ABCC12: variants seen among roughly 807,000 people sequenced by gnomAD.
ABCC12 encodes the protein ATP binding cassette subfamily C member 12, also known as ATP-binding cassette sub-family C member 12.
ABCC12 carries 142 observed loss-of-function variants against 151.1 expected under a neutral mutation model. The observed-to-expected ratio is 0.94, with a 90% CI of 0.82 to 1.08. ABCC12 has a LOEUF of 1.08. ABCC12 is among the 50% of genes least tolerant of loss of function. ABCC12 has a pLI of 0.00. For missense variants in ABCC12, 1,638 were observed against 1,691.1 expected, an observed-to-expected ratio of 0.97 and a Z score of 0.55; for synonymous variants, 645 against 646.4, an observed-to-expected ratio of 1.00 and a Z score of 0.03.
chr16:48,123,482 AC>A (rs1964139279), intron 12 of ABCC12, among the ~76,000 whole-genome samples: 1 of 151,876 alleles, frequency 6.6e-6, no homozygotes, highest in African/African-American at 2.4e-5. Context: ...TCCCCCCACC[AC>A]CCTATTCTGG....
chr16:48,086,726 G>T lies in ABCC12; in HGVS notation c.3714+15C>A. ...CTGGGAAACAAACTCCTCCTCAACA[G>T]CCCCAGAGACCTACTGTGTCTCTCA... On this transcript the variant is annotated intron_variant, in intron 28 of 30. Coordinates refer to ENST00000311303, the MANE Select transcript of ABCC12 (RefSeq NM_001393797.1). 2.5e-6 allele frequency: 4 copies of T among 1,606,698 alleles called. No individual in the cohort carries two copies. Among genetic ancestry groups the T allele is most frequent in the Non-Finnish European group, 3.4e-6 (4 of 1,173,476 alleles).
rs1962454564 is a variant in ABCC12 at position 48,083,773 on chromosome 16, A to G, written c.4022T>C (p.Leu1341Pro). The G allele has an allele frequency of 6.2e-7, 1 of 1,614,116 alleles. No individual in the cohort carries two copies. Among genetic ancestry groups the G allele is most frequent in the Non-Finnish European group, 8.5e-7 (1 of 1,180,054 alleles). Residue 1341 changes from leucine (L) to proline (P), a missense_variant, in exon 31 of 31, where the codon CTT becomes CCT. By Grantham distance (98) the Leu-to-Pro change is moderately conservative (BLOSUM62 -3). Transcript: ENST00000311303. ...KVIEFDKPEV[L>P]AEKPDSAFAM... ...AAATGCAGAATCTGGCTTCTCTGCAAGGACTTCAGGCTTGTCAAACTCAAT... is the reference window on the plus strand; with the variant it reads ...AAATGCAGAATCTGGCTTCTCTGCAGGGACTTCAGGCTTGTCAAACTCAAT...
intron 20 of ABCC12, among the ~76,000 whole-genome samples, chr16:48,105,952 G>A (rs1963479071): frequency 6.6e-6 from 1 of 152,140 alleles, no homozygotes; most frequent in Admixed American, 6.5e-5. Flanking sequence ...GGCTTTCAGA[G>A]GATTCAAAGA....
intron 25 of ABCC12, 107 bp downstream of exon 25, chr16:48,091,013 A>G (rs976053948): frequency 7.9e-6 from 9 of 1,141,982 alleles, no homozygotes; most frequent in Admixed American, 1.7e-5. Flanking sequence ...GCCCGGCCCG[A>G]TTTCCGTTTT....
At chr16:48,111,981 C>T in intron 15 of ABCC12, 71 bp from the exon 16 acceptor site, 14 of 1,554,178 alleles carry the variant, frequency 9.0e-6, no homozygotes, top group Non-Finnish European at 1.2e-5. Context: ...CCTCTCCAAC[C>T]TTAGTTACCA....
At chr16:48,147,150 AATG>A (rs1965031788) in intron 2 of ABCC12, among the ~76,000 whole-genome samples, 1 of 152,038 alleles carries the variant, frequency 6.6e-6, no homozygotes, top group African/African-American at 2.4e-5. Flanking sequence ...TGCTGCCCCA[AATG>A]AAAACCAACA....
Position 48,128,492 on chromosome 16 carries a change from CG to C in ABCC12, c.1481del (p.Ser494TrpfsTer6). 1 of 1,614,208 alleles carries C rather than the reference CG, an allele frequency of 6.2e-7. No homozygotes were observed. Among genetic ancestry groups the C allele is most frequent in the Non-Finnish European group, 8.5e-7 (1 of 1,180,044 alleles). ...GPEEQSDSLK[S>X]VLHSISFVVR... ...CCACAAAGCTTATGCTGTGCAGAAC[CG>C]ATTTGAGGCTGTCACTTTGCTCCTC... On this transcript the variant is annotated frameshift_variant, in exon 11 of 31. Transcript: ENST00000311303. LOFTEE classifies it high-confidence loss of function.
chr16:48,099,816 C>A (rs750060619), intron 23 of ABCC12, among the ~76,000 whole-genome samples: 5 of 152,138 alleles, frequency 3.3e-5, no homozygotes, highest in Non-Finnish European at 7.4e-5. Context: ...ACAGACTATG[C>A]CTGAGTGTGG....
chr16:48,124,785 A>G (rs2150643562), intron 11 of ABCC12, among the ~76,000 whole-genome samples: 1 of 152,368 alleles, frequency 6.6e-6, no homozygotes, highest in Admixed American at 6.5e-5. Context: ...AATTCAACCA[A>G]CAAATCATTA....
chr16:48,146,265 G>A lies in ABCC12; in HGVS notation c.119+41C>T, dbSNP rs375761604. On this transcript the variant is annotated intron_variant, in intron 3 of 30. Transcript: ENST00000311303. ...ACTCTCCTGATGGACATTCCTGGAG[G>A]TCCTGCCCTGGCCCTCCCTTCTGTC... 3.6e-5 allele frequency: 57 copies of A among 1,580,646 alleles called. No homozygotes were observed. In the African/African-American group the frequency reaches 7.3e-4, roughly 20 times the overall value.
intron 11 of ABCC12, among the ~76,000 whole-genome samples, chr16:48,126,091 T>A (rs1433567409): frequency 6.6e-6 from 1 of 152,212 alleles, no homozygotes; most frequent in East Asian, 1.9e-4. Context: ...GGCCACACAA[T>A]GACTTTGCTA....
At chr16:48,085,396 G>A (rs8061560) in intron 29 of ABCC12, among the ~76,000 whole-genome samples, 197 bp downstream of exon 29, 2,540 of 152,128 alleles carry the variant, frequency 0.017, 67 homozygotes, top group African/African-American at 0.058. Flanking sequence ...GGAGGGGAAG[G>A]TGCTCTTGCT....
chr16:48,124,157 G>A (rs536257762), intron 12 of ABCC12, 56 bp downstream of exon 12: 2 of 1,563,836 alleles, frequency 1.3e-6, no homozygotes, highest in Non-Finnish European at 1.8e-6. Context: ...CCGGAAGGGA[G>A]CCATTTCATT....
rs1328720843 is a variant in ABCC12, at chr16:48,081,401, C to T, written c.*2314G>A. 6.6e-6 allele frequency among the ~76,000 whole-genome samples: 1 copy of T among 152,090 alleles called. No homozygotes were observed. The highest frequency in any genetic ancestry group is 1.5e-5 in the Non-Finnish European group (1 of 68,026). On this transcript the variant is annotated 3_prime_UTR_variant, in exon 31 of 31. Coordinates refer to ENST00000311303, the MANE Select transcript of ABCC12 (RefSeq NM_001393797.1). ...AGCCAAACCCTCAGAAGTCACTCTC[C>T]CCCAGGGATGATACTGATGACCATC...
At chr16:48,104,911 G>A (rs1225481588) in intron 21 of ABCC12, among the ~76,000 whole-genome samples, 1 of 152,134 alleles carries the variant, frequency 6.6e-6, no homozygotes, top group African/African-American at 2.4e-5. Context: ...GGCCTCCCAC[G>A]CCTCCATCCC....
intron 3 of ABCC12, among the ~76,000 whole-genome samples, chr16:48,145,401 TC>T (rs1964964394): frequency 6.6e-6 from 1 of 152,340 alleles, no homozygotes; most frequent in South Asian, 2.1e-4. Flanking sequence ...GCATGTGAGC[TC>T]AGAAATCAGA....
chr16:48,116,104 C>A (rs931743285), intron 14 of ABCC12, among the ~76,000 whole-genome samples: 35 of 152,204 alleles, frequency 2.3e-4, no homozygotes, highest in African/African-American at 8.0e-4. Flanking sequence ...GAGAGATAAG[C>A]CTTGACTTCC....
chr16:48,088,950 T>A (rs932207298), intron 25 of ABCC12, among the ~76,000 whole-genome samples: 1 of 152,082 alleles, frequency 6.6e-6, no homozygotes, highest in African/African-American at 2.4e-5. Flanking sequence ...AAACAGAATA[T>A]TGCAATAGGA....
chr16:48,094,902 A>G (rs1456666573), intron 24 of ABCC12, among the ~76,000 whole-genome samples: 1 of 152,156 alleles, frequency 6.6e-6, no homozygotes, highest in African/African-American at 2.4e-5. Context: ...TGAAAACCCA[A>G]CCCAGTTCCC....
Sources: gnomAD v4.1 joint callset for allele counts (sites outside exome capture counted in the v4.1 genomes callset) on GRCh38, gnomAD v4.1.1 for gene constraint, MANE v1.5 for transcripts, NCBI Gene and HGNC (gene_info 2026-07-23, HGNC 2026-07-21) for gene names.